KCNT2: variants seen among roughly 807,000 people sequenced by gnomAD.
The protein encoded by KCNT2 is potassium channel subfamily T member 2.
Under a neutral mutation model 153.8 loss-of-function variants are expected in KCNT2, and 67 were observed. That is an observed-to-expected ratio of 0.44 (90% CI 0.36 to 0.53). The LOEUF is 0.53. KCNT2 is among the 20% of genes least tolerant of loss of function. KCNT2 has a pLI of 0.00. For synonymous variants in KCNT2, 500 were observed against 458.8 expected, an observed-to-expected ratio of 1.09 and a Z score of -1.15; for missense variants, 975 against 1,354.8, an observed-to-expected ratio of 0.72 and a Z score of 4.40.
At chr1:196,371,533 GT>G (rs1668536738) in intron 14 of KCNT2, among the ~76,000 whole-genome samples, 1 of 152,018 alleles carries the variant, frequency 6.6e-6, no homozygotes, top group Non-Finnish European at 1.5e-5. Flanking sequence ...ACTATAAGAA[GT>G]TATTATGGTG....
intron 14 of KCNT2, among the ~76,000 whole-genome samples, chr1:196,364,748 ATAAACT>A (rs1459101792): frequency 1.3e-5 from 2 of 152,120 alleles, no homozygotes; most frequent in Non-Finnish European, 2.9e-5. Flanking sequence ...AACACAACAG[ATAAACT>A]TAACAGCTAA....
At chr1:196,323,320 T>G (rs535449374) in intron 19 of KCNT2, among the ~76,000 whole-genome samples, 1 of 152,116 alleles carries the variant, frequency 6.6e-6, no homozygotes, top group Admixed American at 6.6e-5. Flanking sequence ...AGCCTGGATC[T>G]TTCCCTTCAT....
chr1:196,593,317 C>T (rs200255323), intron 1 of KCNT2, among the ~76,000 whole-genome samples: 7,818 of 103,314 alleles, frequency 0.076, 245 homozygotes, highest in Middle Eastern at 0.13. Flanking sequence ...TATATACACA[C>T]ACACACACAC....
chr1:196,320,907 A>T (rs1663242920), intron 19 of KCNT2, among the ~76,000 whole-genome samples: 2 of 151,420 alleles, frequency 1.3e-5, no homozygotes, highest in South Asian at 4.1e-4. Flanking sequence ...TACTGCAGTT[A>T]TCAGTTCTTT....
chr1:196,378,001 G>A (rs984705540), intron 13 of KCNT2, among the ~76,000 whole-genome samples: 3 of 152,072 alleles, frequency 2.0e-5, no homozygotes, highest in African/African-American at 7.2e-5. Context: ...AAGGTTCTTA[G>A]AAAAGAACTT....
At chr1:196,504,108 A>C (rs1487442644) in intron 1 of KCNT2, among the ~76,000 whole-genome samples, 1 of 152,120 alleles carries the variant, frequency 6.6e-6, no homozygotes, top group Non-Finnish European at 1.5e-5. Flanking sequence ...TTATACTTTA[A>C]GTTTTAGGGT....
intron 25 of KCNT2, among the ~76,000 whole-genome samples, chr1:196,262,593 T>C (rs1476750422): frequency 6.6e-6 from 1 of 152,018 alleles, no homozygotes. Context: ...GGCTTATATA[T>C]TTCAGTGACT....
At chr1:196,582,453 T>C (rs1662182471) in intron 1 of KCNT2, 1 of 154,298 alleles carries the variant, frequency 6.5e-6, no homozygotes, top group African/African-American at 2.4e-5. Context: ...TTTTGATGAA[T>C]ACCGAAGGTG....
At chr1:196,591,535 A>G (rs1403451811) in intron 1 of KCNT2, among the ~76,000 whole-genome samples, 1 of 152,148 alleles carries the variant, frequency 6.6e-6, no homozygotes, top group East Asian at 1.9e-4. Flanking sequence ...CATTCTGAAG[A>G]CTCATTAATC....
chr1:196,328,158 G>T (rs114003358), intron 18 of KCNT2, among the ~76,000 whole-genome samples: 7,536 of 152,120 alleles, frequency 0.05, 283 homozygotes, highest in Non-Finnish European at 0.072. Context: ...AAGAGGCTAT[G>T]TAAAATAACA....
At chr1:196,384,174 A>G (rs1669749157) in intron 13 of KCNT2, among the ~76,000 whole-genome samples, 1 of 152,206 alleles carries the variant, frequency 6.6e-6, no homozygotes, top group Non-Finnish European at 1.5e-5. Flanking sequence ...TTTATCAAAT[A>G]TACCACAATA....
intron 26 of KCNT2, chr1:196,257,880 C>A: frequency 1.0e-6 from 1 of 983,028 alleles, no homozygotes; most frequent in South Asian, 4.7e-5. Flanking sequence ...AGAAGGCTAC[C>A]TGACTTAGGT....
chr1:196,357,360 CAT>C (rs911082912), intron 14 of KCNT2, among the ~76,000 whole-genome samples: 10 of 151,938 alleles, frequency 6.6e-5, no homozygotes, highest in African/African-American at 2.4e-4. Context: ...TATATTATGA[CAT>C]GTTTTAATTT....
At chr1:196,523,330 G>A (rs1046761135) in intron 1 of KCNT2, among the ~76,000 whole-genome samples, 1 of 152,186 alleles carries the variant, frequency 6.6e-6, no homozygotes, top group African/African-American at 2.4e-5. Flanking sequence ...ATGAGGGTCT[G>A]TGGCTTCATT....
intron 1 of KCNT2, among the ~76,000 whole-genome samples, chr1:196,605,583 A>T (rs1205393309): frequency 6.6e-6 from 1 of 152,178 alleles, no homozygotes; most frequent in East Asian, 1.9e-4. Flanking sequence ...GCAGAGCACT[A>T]AATGTATCTG....
chr1:196,444,322 C>G (rs888598164), intron 8 of KCNT2, among the ~76,000 whole-genome samples: 16 of 151,346 alleles, frequency 1.1e-4, no homozygotes, highest in Non-Finnish European at 5.9e-5. Context: ...TACTCCCTTC[C>G]CAGTAATACA....
At chr1:196,263,857 C>T (rs1276614872) in intron 25 of KCNT2, among the ~76,000 whole-genome samples, 4 of 152,050 alleles carry the variant, frequency 2.6e-5, no homozygotes, top group Admixed American at 6.6e-5. Context: ...TGGTTATTTC[C>T]ATCTCCTTTT....
At chr1:196,448,081 A>G (rs2148610077) in intron 8 of KCNT2, among the ~76,000 whole-genome samples, 1 of 151,782 alleles carries the variant, frequency 6.6e-6, no homozygotes, top group Admixed American at 6.6e-5. Context: ...TCATCCCCTG[A>G]AAAAAGAATT....
intron 1 of KCNT2, among the ~76,000 whole-genome samples, chr1:196,588,134 T>C (rs1308185162): frequency 6.6e-6 from 1 of 152,002 alleles, no homozygotes; most frequent in African/African-American, 2.4e-5. Flanking sequence ...CTTTTGAATA[T>C]CTTAAATCTT....
Sources: allele counts gnomAD v4.1 joint callset (sites outside exome capture counted in the v4.1 genomes callset), GRCh38; gene constraint gnomAD v4.1.1; transcripts MANE v1.5; gene names NCBI Gene and HGNC (gene_info 2026-07-23, HGNC 2026-07-21).